SLC39A12: variants seen among roughly 807,000 people sequenced by gnomAD.
SLC39A12 encodes the protein solute carrier family 39 member 12, also known as zinc transporter ZIP12.
A neutral mutation model predicts 71.1 loss-of-function variants in SLC39A12; 63 were observed. The ratio of observed to expected loss-of-function variants is 0.89; its 90% CI spans 0.72 to 1.09. The LOEUF (loss-of-function observed/expected upper bound fraction) is 1.09. Among genes scored for constraint, SLC39A12 ranks in the 50% least tolerant of loss-of-function variants. The pLI, the probability that SLC39A12 is intolerant of heterozygous loss-of-function variation, is 0.00. For synonymous variants in SLC39A12, 351 were observed against 301.3 expected (o/e 1.16, Z -1.71); for missense variants, 892 against 812.6 (o/e 1.10, Z -1.19).
intron 10 of SLC39A12, 92 bp downstream of exon 10, chr10:17,995,814 C>G: frequency 9.0e-7 from 1 of 1,107,710 alleles, no homozygotes; most frequent in Admixed American, 2.3e-5. Context: ...ATATAGATAT[C>G]ATATTGGGTA....
At chr10:18,039,502 A>T (rs1039747073) in intron 12 of SLC39A12, among the ~76,000 whole-genome samples, 3 of 152,186 alleles carry the variant, frequency 2.0e-5, no homozygotes, top group Non-Finnish European at 2.9e-5. Flanking sequence ...CTGAGGCAGG[A>T]AGATCAGTTG....
intron 12 of SLC39A12, among the ~76,000 whole-genome samples, chr10:18,016,943 T>C (rs1301999945): frequency 6.6e-6 from 1 of 152,180 alleles, no homozygotes; most frequent in Admixed American, 6.5e-5. Context: ...ACCATTCCTT[T>C]ATCAGATGTT....
intron 3 of SLC39A12, among the ~76,000 whole-genome samples, chr10:17,962,577 A>G (rs1421282400): frequency 6.6e-6 from 1 of 151,672 alleles, no homozygotes; most frequent in Non-Finnish European, 1.5e-5. Flanking sequence ...GAATTAATTG[A>G]GAAGCCATTA....
intron 9 of SLC39A12, among the ~76,000 whole-genome samples, chr10:17,993,677 G>A (rs907024132): frequency 1.3e-5 from 2 of 152,330 alleles, no homozygotes; most frequent in African/African-American, 4.8e-5. Flanking sequence ...ATTACTTAGT[G>A]CACCTAGGAT....
intron 4 of SLC39A12, 107 bp from the exon 5 acceptor site, chr10:17,977,792 AATG>A: frequency 2.3e-6 from 2 of 858,020 alleles, no homozygotes; most frequent in Admixed American, 3.0e-5. Flanking sequence ...GGGCTTAAAA[AATG>A]ATAAGAATTC....
chr10:18,025,800 G>T (rs1290152958), intron 12 of SLC39A12, among the ~76,000 whole-genome samples: 2 of 152,142 alleles, frequency 1.3e-5, no homozygotes, highest in Non-Finnish European at 2.9e-5. Context: ...GCTCCCTGAG[G>T]AATCACCACA....
intron 2 of SLC39A12, among the ~76,000 whole-genome samples, chr10:17,955,724 T>A (rs1384902699): frequency 6.6e-6 from 1 of 152,216 alleles, no homozygotes; most frequent in Non-Finnish European, 1.5e-5. Context: ...GTGAATTTTT[T>A]AAAAAGCCAA....
Position 17,953,421 on chromosome 10 carries a change from G to C in SLC39A12, c.145G>C (p.Val49Leu). ...SSGQPADLLQ[V>L]LSAGDHPPHN... The stretch of plus-strand genomic sequence containing the variant: ...AGGCCAACCGGCAGACCTGCTACAG[G>C]TTCTCTCTGCTGGTGACCACCCACC... Residue 49 changes from valine to leucine, a missense_variant, in exon 2 of 13, where the codon GTT (valine) becomes CTT (leucine). By Grantham distance (32) the Val-to-Leu change is conservative. Coordinates refer to ENST00000377369, the MANE Select transcript of SLC39A12 (RefSeq NM_001145195.2). 3.1e-6 allele frequency: 5 copies of C among 1,614,188 alleles called. No individual in the cohort carries two copies. Among genetic ancestry groups the C allele is most frequent in the Non-Finnish European group, 3.4e-6 (4 of 1,180,054 alleles).
chr10:17,962,084 G>A (rs1834706299), intron 3 of SLC39A12, among the ~76,000 whole-genome samples: 1 of 152,166 alleles, frequency 6.6e-6, no homozygotes, highest in African/African-American at 2.4e-5. Flanking sequence ...GAAGTTCGGT[G>A]GGTGGACAGG....
Position 18,011,651 on chromosome 10 carries a change from C to T in SLC39A12, c.1947+8293C>T, listed in dbSNP as rs950210989. ...TGACATCTGTCTTTGCTGAGCTTTACGACTAAGAATTTGTCTAACTGAATC... is the reference window on the plus strand; with the variant it reads ...TGACATCTGTCTTTGCTGAGCTTTATGACTAAGAATTTGTCTAACTGAATC... On this transcript the variant is annotated intron_variant, in intron 12 of 12. Transcript: ENST00000377369. Among the ~76,000 whole-genome samples the T allele has an allele frequency of 3.7e-4, 56 of 151,824 alleles. 1 individual carries two copies. The highest frequency in any genetic ancestry group is 1.8e-3 in the Admixed American group (28 of 15,230).
chr10:17,963,187 A>G (rs1342804925), intron 3 of SLC39A12, among the ~76,000 whole-genome samples: 54 of 152,160 alleles, frequency 3.5e-4, no homozygotes, highest in Admixed American at 3.3e-3. Flanking sequence ...GGAAAAAAAA[A>G]AGAAAAGAAA....
At chr10:18,009,626 C>A (rs1206081292) in intron 12 of SLC39A12, 2 of 152,402 alleles carry the variant, frequency 1.3e-5, no homozygotes, top group African/African-American at 4.8e-5. Context: ...TTGGGGGGAG[C>A]AGGAACCTCA....
intron 7 of SLC39A12, among the ~76,000 whole-genome samples, 166 bp downstream of exon 7, chr10:17,987,817 T>C (rs1023392371): frequency 6.6e-6 from 1 of 152,122 alleles, no homozygotes; most frequent in Non-Finnish European, 1.5e-5. Flanking sequence ...TCTGCACTTG[T>C]AGAAGAGAAG....
rs1393615651 is a variant in SLC39A12 at position 18,042,606 on chromosome 10, A to G, written c.1948-99A>G. On this transcript the variant is annotated intron_variant, in intron 12 of 12. Transcript: ENST00000377369. ...AACTGTTTTGGGAATTTTAAAGGTT[A>G]TTAAGTTCTGAATAACAGTCGCTCA... The G allele has an allele frequency of 1.5e-5, 18 of 1,220,800 alleles. No individual in the cohort carries two copies. In the East Asian group the frequency reaches 3.7e-4, roughly 25 times the overall value. 75.6% of individuals were successfully genotyped at this position (1,220,800 alleles called of 1,614,324 possible).
chr10:18,030,193 C>T (rs921097628), intron 12 of SLC39A12, among the ~76,000 whole-genome samples: 3 of 152,058 alleles, frequency 2.0e-5, no homozygotes, highest in Non-Finnish European at 4.4e-5. Context: ...ATGAGAATCT[C>T]CTTGAACTTT....
rs1837038971 is a variant in SLC39A12 at position 18,036,750 on chromosome 10, ATATATATATATATATATATATATATATAT to A, written c.1948-5954_1948-5926del. Reference sequence around the variant, plus strand: ...TTGCAGTTAGCATTTTAAAAATTATATATATATATATATATATATATATATATATATATATATATATATATTTTTTTTTT... The same window carrying A: ...TTGCAGTTAGCATTTTAAAAATTATAATATATATATATATATTTTTTTTTT... On this transcript the variant is annotated intron_variant, in intron 12 of 12. Coordinates refer to ENST00000377369, the MANE Select transcript of SLC39A12 (RefSeq NM_001145195.2). Among the ~76,000 whole-genome samples the A allele has an allele frequency of 2.4e-3, 16 of 6,648 alleles. No homozygotes were observed. In the South Asian group the frequency reaches 0.053, roughly 22 times the overall value. The allele number at this position is 6,648 out of a possible 152,430, so 4.4% of individuals were successfully genotyped here. A position where few individuals can be genotyped will look rare whatever the true frequency, so the allele number is the denominator to read the frequency against.
At chr10:17,967,569 G>A (rs569764140) in intron 4 of SLC39A12, among the ~76,000 whole-genome samples, 2 of 152,198 alleles carry the variant, frequency 1.3e-5, no homozygotes, top group East Asian at 3.9e-4. Context: ...CTTCAAAACA[G>A]AACAATTTGC....
chr10:17,992,088 C>CAAAAAAAA (rs59014549), intron 8 of SLC39A12, among the ~76,000 whole-genome samples: 3 of 87,222 alleles, frequency 3.4e-5, no homozygotes, highest in Non-Finnish European at 4.2e-5. Flanking sequence ...GACTCCATCT[C>CAAAAAAAA]AAAAAAAAAA....
intron 7 of SLC39A12, among the ~76,000 whole-genome samples, chr10:17,988,354 A>T (rs1487494400): frequency 6.6e-6 from 1 of 152,042 alleles, no homozygotes; most frequent in Non-Finnish European, 1.5e-5. Flanking sequence ...TGGTTGTTTA[A>T]AAGTCCAGAA....
Sources: allele counts gnomAD v4.1 joint callset (sites outside exome capture counted in the v4.1 genomes callset), GRCh38; gene constraint gnomAD v4.1.1; transcripts MANE v1.5; gene names NCBI Gene and HGNC (gene_info 2026-07-23, HGNC 2026-07-21).